ALK: variants seen among roughly 807,000 people sequenced by gnomAD.
ALK encodes ALK tyrosine kinase receptor.
A neutral mutation model predicts 163.1 loss-of-function variants in ALK; 74 were observed. The ratio of observed to expected loss-of-function variants is 0.45; its 90% CI spans 0.38 to 0.55. The LOEUF is 0.55. ALK is among the 20% of genes least tolerant of loss of function. The pLI is 0.00. For synonymous variants in ALK, 960 were observed against 843.2 expected (o/e 1.14, Z -2.40); for missense variants, 2,063 against 2,105.3 (o/e 0.98, Z 0.39).
At chr2:29,837,384 A>C (rs770826867) in intron 1 of ALK, among the ~76,000 whole-genome samples, 8 of 152,206 alleles carry the variant, frequency 5.3e-5, no homozygotes, top group Admixed American at 4.6e-4. Flanking sequence ...TGAGATCTAC[A>C]TATGTGCATA....
chr2:29,385,662 A>T (rs771503721), intron 4 of ALK, among the ~76,000 whole-genome samples: 3 of 152,132 alleles, frequency 2.0e-5, no homozygotes, highest in African/African-American at 2.4e-5. Context: ...AAGTGCTGAG[A>T]TTGCAGGTGT....
intron 8 of ALK, among the ~76,000 whole-genome samples, chr2:29,317,134 T>C (rs1442973733): frequency 6.6e-6 from 1 of 152,250 alleles, no homozygotes; most frequent in African/African-American, 2.4e-5. Context: ...TCTGTCCCTC[T>C]GCTGGCCACA....
intron 1 of ALK, among the ~76,000 whole-genome samples, chr2:29,776,090 A>G (rs1681167468): frequency 6.6e-6 from 1 of 152,152 alleles, no homozygotes; most frequent in Non-Finnish European, 1.5e-5. Flanking sequence ...AATGTTGATC[A>G]CCTTCTCCTT....
At chr2:29,225,697 ACTTTT>A (rs1343454691) in intron 18 of ALK, 132 bp from the exon 19 acceptor site, 4 of 766,154 alleles carry the variant, frequency 5.2e-6, no homozygotes, top group African/African-American at 5.2e-5. Context: ...ACCTTGTCAC[ACTTTT>A]CTTTTCAGGG....
intron 4 of ALK, among the ~76,000 whole-genome samples, chr2:29,444,166 G>A (rs989238406): frequency 6.6e-5 from 10 of 152,208 alleles, no homozygotes; most frequent in African/African-American, 2.4e-4. Flanking sequence ...TTTGGGGGTA[G>A]GACAGAGAGT....
chr2:29,558,043 G>A (rs1377330504), intron 3 of ALK, among the ~76,000 whole-genome samples: 3 of 152,148 alleles, frequency 2.0e-5, no homozygotes, highest in Admixed American at 2.0e-4. Flanking sequence ...GATTCCTTTT[G>A]CTTTAAAAAC....
chr2:29,678,836 A>G (rs1182392529), intron 3 of ALK, among the ~76,000 whole-genome samples: 1 of 151,710 alleles, frequency 6.6e-6, no homozygotes, highest in Non-Finnish European at 1.5e-5. Context: ...TTCTCTGTTT[A>G]CTTGAAAGGT....
At chr2:29,584,675 G>A (rs1390479156) in intron 3 of ALK, among the ~76,000 whole-genome samples, 1 of 152,186 alleles carries the variant, frequency 6.6e-6, no homozygotes, top group Non-Finnish European at 1.5e-5. Context: ...AGAATGGCTG[G>A]TTCGGTGTTC....
At chr2:29,491,751 C>T (rs1429420957) in intron 4 of ALK, among the ~76,000 whole-genome samples, 1 of 152,088 alleles carries the variant, frequency 6.6e-6, no homozygotes, top group African/African-American at 2.4e-5. Context: ...TTAGTTAGTG[C>T]CAGCAGGAGA....
chr2:29,385,588 A>G (rs2148303181), intron 4 of ALK, among the ~76,000 whole-genome samples: 1 of 152,204 alleles, frequency 6.6e-6, no homozygotes, highest in Non-Finnish European at 1.5e-5. Flanking sequence ...ACAGGGTCTC[A>G]CTGTCTTACC....
At chr2:29,637,569 C>T (rs1367008125) in intron 3 of ALK, among the ~76,000 whole-genome samples, 1 of 151,830 alleles carries the variant, frequency 6.6e-6, no homozygotes, top group Non-Finnish European at 1.5e-5. Context: ...ATTAGCCGGG[C>T]GTGGTGGTAT....
chr2:29,786,069 G>C (rs916473628), intron 1 of ALK, among the ~76,000 whole-genome samples: 1 of 151,974 alleles, frequency 6.6e-6, no homozygotes, highest in Non-Finnish European at 1.5e-5. Context: ...CCTTCACTCA[G>C]GCACACAATG....
chr2:29,229,255 G>A (rs969733205), intron 15 of ALK, among the ~76,000 whole-genome samples, 189 bp from the exon 16 acceptor site: 10 of 152,188 alleles, frequency 6.6e-5, no homozygotes, highest in Non-Finnish European at 1.3e-4. Context: ...CTTGCCCTAG[G>A]AGACCTGTTT....
intron 3 of ALK, among the ~76,000 whole-genome samples, chr2:29,598,699 A>C (rs572834276): frequency 6.6e-5 from 10 of 152,196 alleles, no homozygotes; most frequent in Non-Finnish European, 1.3e-4. Context: ...GCATAGAAAA[A>C]AGAATGGAAG....
At chr2:29,388,133 C>T (rs1305604961) in intron 4 of ALK, among the ~76,000 whole-genome samples, 1 of 152,220 alleles carries the variant, frequency 6.6e-6, no homozygotes, top group Non-Finnish European at 1.5e-5. Flanking sequence ...CAGCTCCCTA[C>T]CAGCTTAGCT....
intron 4 of ALK, among the ~76,000 whole-genome samples, chr2:29,513,325 A>T: frequency 7.1e-6 from 1 of 140,822 alleles, no homozygotes. Context: ...AACAGAACAG[A>T]GCCCTCAGAA....
At chr2:29,446,749 T>C (rs1457170751) in intron 4 of ALK, among the ~76,000 whole-genome samples, 1 of 152,170 alleles carries the variant, frequency 6.6e-6, no homozygotes, top group Non-Finnish European at 1.5e-5. Context: ...TCATGAAAAA[T>C]AGTGTGCAAA....
At chr2:29,612,913 A>C (rs1283205990) in intron 3 of ALK, among the ~76,000 whole-genome samples, 1 of 152,168 alleles carries the variant, frequency 6.6e-6, no homozygotes, top group Non-Finnish European at 1.5e-5. Flanking sequence ...CCTTCAGAAC[A>C]ATTCCAGAAC....
intron 1 of ALK, among the ~76,000 whole-genome samples, chr2:29,754,197 C>T (rs1228556998): frequency 1.3e-5 from 2 of 152,160 alleles, no homozygotes; most frequent in Admixed American, 6.5e-5. Flanking sequence ...CCAGCCCAAA[C>T]GCAGGAGTGA....
Sources: allele counts gnomAD v4.1 joint callset (sites outside exome capture counted in the v4.1 genomes callset), GRCh38; gene constraint gnomAD v4.1.1; transcripts MANE v1.5; gene names NCBI Gene and HGNC (gene_info 2026-07-23, HGNC 2026-07-21).